ZNF334: variants seen among roughly 807,000 people sequenced by gnomAD.
ZNF334 encodes the protein zinc finger protein 334.
Under a neutral mutation model 12.4 loss-of-function variants are expected in ZNF334, and 14 were observed. The observed-to-expected ratio is 1.13, with a 90% CI of 0.74 to 1.76. ZNF334 has a LOEUF of 1.76. ZNF334 is among the 40% of genes most tolerant of loss of function. The pLI, the probability that ZNF334 is intolerant of heterozygous loss-of-function variation, is 0.00. For missense variants in ZNF334, 797 were observed against 804.5 expected (o/e 0.99, Z 0.11); for synonymous variants, 273 against 269.6 (o/e 1.01, Z -0.12).
Position 46,506,929 on chromosome 20 carries a change from T to C in ZNF334, c.22-2189A>G, listed in dbSNP as rs564229478. Among the ~76,000 whole-genome samples the C allele has an allele frequency of 2.1e-4, 31 of 151,090 alleles. No individual in the cohort carries two copies. The South Asian group carries it at 4.8e-3, about 23-fold the overall frequency. Reference sequence around the variant, plus strand: ...GAGTTCAAGACCAGCCTAGGCAACATAGTGAGACCCCATCTCTCAAAAAAA... The same window carrying C: ...GAGTTCAAGACCAGCCTAGGCAACACAGTGAGACCCCATCTCTCAAAAAAA... On this transcript the variant is annotated intron_variant, in intron 2 of 4. Transcript: ENST00000692313.
At chr20:46,487,043 C>T in the ZNF334 span, among the ~76,000 whole-genome samples, 31 of 151,896 alleles carry the variant, frequency 2.0e-4, 1 homozygote, top group East Asian at 1.7e-3. Flanking sequence ...TTAAAATGTA[C>T]GGTTACTCCT....
intron 2 of ZNF334, chr20:46,509,488 G>A: frequency 4.4e-6 from 3 of 681,740 alleles, no homozygotes; most frequent in South Asian, 1.5e-5. Flanking sequence ...TCCTCAGCAG[G>A]AGCATGGGGT....
chr20:46,498,991 G>A (rs1459548086), downstream of ZNF334, among the ~76,000 whole-genome samples: 8 of 151,624 alleles, frequency 5.3e-5, no homozygotes, highest in Non-Finnish European at 5.9e-5. Flanking sequence ...CGGCTAAAAC[G>A]GTGAAACCCC....
In ZNF334 at chr20:46,502,437, G is replaced by A. The variant is rs2061240185; in HGVS notation, c.902C>T (p.Thr301Ile). The change falls in exon 5 of 5, where the codon ACC becomes ATC. Residue 301 changes from threonine (T) to isoleucine (I), a missense_variant. Thr to Ile is a moderately conservative substitution (Grantham distance 89). Transcript: ENST00000692313. ...RPYECSECRK[T>I]FIDKSALIVH... ...AATAAGGGCAGATTTGTCAATGAAG[G>A]TTTTCCTGCATTCACTGCATTCATA... is the stretch of plus-strand genomic sequence containing the variant. The A allele has an allele frequency of 1.2e-6, 2 of 1,613,908 alleles. No individual in the cohort carries two copies. Among genetic ancestry groups the A allele is most frequent in the African/African-American group, 2.7e-5 (2 of 74,902 alleles).
the ZNF334 span, among the ~76,000 whole-genome samples, chr20:46,470,452 G>C: frequency 6.6e-6 from 1 of 152,222 alleles, no homozygotes; most frequent in South Asian, 2.1e-4. Flanking sequence ...CTGTGGGAGA[G>C]GCAGGAGGGA....
the ZNF334 span, among the ~76,000 whole-genome samples, chr20:46,475,379 C>T: frequency 6.6e-6 from 1 of 151,896 alleles, no homozygotes; most frequent in Admixed American, 6.6e-5. Context: ...AATCTTTAGA[C>T]TGGAAACAAA....
chr20:46,483,406 T>G, the ZNF334 span, among the ~76,000 whole-genome samples: 1 of 152,174 alleles, frequency 6.6e-6, no homozygotes, highest in African/African-American at 2.4e-5. Context: ...ATTTTTCTCC[T>G]TTATAAGGTC....
the ZNF334 span, chr20:46,476,912 G>A: frequency 6.6e-6 from 1 of 152,204 alleles, no homozygotes; most frequent in Non-Finnish European, 1.5e-5. Context: ...CTCACCATGT[G>A]ATCTTAGAAA....
At chr20:46,510,482 T>C (rs2061604654) in intron 2 of ZNF334, among the ~76,000 whole-genome samples, 5 of 152,260 alleles carry the variant, frequency 3.3e-5, no homozygotes. Flanking sequence ...TCCCAGCACT[T>C]AGTGAGGCCG....
chr20:46,505,338 C>G (rs978706701), intron 2 of ZNF334: 2 of 152,262 alleles, frequency 1.3e-5, no homozygotes, highest in African/African-American at 2.4e-5. Context: ...GATAGTACGG[C>G]ACATCAGTAA....
At chr20:46,511,993 A>C in intron 2 of ZNF334, 89 bp downstream of exon 2, 7 of 1,322,214 alleles carry the variant, frequency 5.3e-6, no homozygotes, top group Non-Finnish European at 7.6e-6. Flanking sequence ...CTGATGCTGA[A>C]TTTTATACAT....
At chr20:46,464,940 C>G in the ZNF334 span, 1 of 496,846 alleles carries the variant, frequency 2.0e-6, no homozygotes. Flanking sequence ...AGATCTGTAG[C>G]AGTTGCTTGT....
At chr20:46,510,862 G>C (rs920309083) in intron 2 of ZNF334, among the ~76,000 whole-genome samples, 2 of 151,900 alleles carry the variant, frequency 1.3e-5, no homozygotes, top group African/African-American at 4.8e-5. Flanking sequence ...CATTGAGCAA[G>C]TTGTAAGTAT....
the ZNF334 span, chr20:46,464,215 C>A: frequency 3.7e-6 from 2 of 533,450 alleles, no homozygotes; most frequent in South Asian, 1.5e-5. Context: ...ATCAAAATCC[C>A]TGCACGCCTG....
At chr20:46,471,939 C>T in the ZNF334 span, among the ~76,000 whole-genome samples, 1 of 152,184 alleles carries the variant, frequency 6.6e-6, no homozygotes. Flanking sequence ...GTAATGTTAA[C>T]ATCAATTTCC....
chr20:46,504,125 G>A (rs987682404), intron 4 of ZNF334, 89 bp downstream of exon 4: 2 of 894,380 alleles, frequency 2.2e-6, no homozygotes, highest in African/African-American at 3.4e-5. Flanking sequence ...AGAAATTCAT[G>A]AAAAACATTA....
At chr20:46,462,663 T>C in the ZNF334 span, among the ~76,000 whole-genome samples, 2 of 152,266 alleles carry the variant, frequency 1.3e-5, no homozygotes, top group Non-Finnish European at 1.5e-5. Flanking sequence ...TTTAACTCTA[T>C]GGCTAACCCC....
chr20:46,508,132 C>T (rs1478356084), intron 2 of ZNF334, among the ~76,000 whole-genome samples: 1 of 152,186 alleles, frequency 6.6e-6, no homozygotes, highest in Non-Finnish European at 1.5e-5. Context: ...GAAAAAGAAA[C>T]TCGATTCTCC....
chr20:46,504,929 C>T (rs954725679), intron 2 of ZNF334, 189 bp from the exon 3 acceptor site: 6 of 498,064 alleles, frequency 1.2e-5, no homozygotes, highest in Non-Finnish European at 2.1e-5. Flanking sequence ...ATGTGCTGAG[C>T]TTATACCATG....
Sources: gnomAD v4.1 joint callset for allele counts (sites outside exome capture counted in the v4.1 genomes callset) on GRCh38, gnomAD v4.1.1 for gene constraint, MANE v1.5 for transcripts, NCBI Gene and HGNC (gene_info 2026-07-23, HGNC 2026-07-21) for gene names.